The following CNTN4 variants were observed in gnomAD, a reference collection of about 807,000 sequenced individuals.
CNTN4 encodes the protein contactin 4, also known as contactin-4.
CNTN4 carries 77 observed loss-of-function variants against 122.5 expected under a neutral mutation model. That is an observed-to-expected ratio of 0.63 (90% CI 0.52 to 0.76). The LOEUF (loss-of-function observed/expected upper bound fraction) is 0.76. Ranked by LOEUF, CNTN4 falls within the 30% of genes least tolerant of loss-of-function variation. CNTN4 has a pLI of 0.00. For synonymous variants in CNTN4, 512 were observed against 447.0 expected (o/e 1.15, Z -1.83); for missense variants, 1,256 against 1,259.1 (o/e 1.00, Z 0.04).
At chr3:2,912,191 G>A (rs2094308063) in intron 12 of CNTN4, among the ~76,000 whole-genome samples, 1 of 152,188 alleles carries the variant, frequency 6.6e-6, no homozygotes, top group Non-Finnish European at 1.5e-5. Context: ...AGCAGCAAGA[G>A]AAAAGCAACC....
chr3:2,995,307 T>C (rs1388132616), intron 14 of CNTN4, among the ~76,000 whole-genome samples: 1 of 152,226 alleles, frequency 6.6e-6, no homozygotes, highest in Non-Finnish European at 1.5e-5. Context: ...CCTCTGACAT[T>C]CTTATGGACA....
At chr3:2,311,704 A>G (rs2150142707) in intron 2 of CNTN4, among the ~76,000 whole-genome samples, 1 of 152,238 alleles carries the variant, frequency 6.6e-6, no homozygotes, top group Admixed American at 6.5e-5. Context: ...TACTGTCTGT[A>G]TAGGTAGCTC....
chr3:2,268,558 A>C (rs905707186), intron 2 of CNTN4, among the ~76,000 whole-genome samples: 1 of 152,126 alleles, frequency 6.6e-6, no homozygotes, highest in Admixed American at 6.6e-5. Flanking sequence ...ATGCTATTGT[A>C]AAACTATAGT....
chr3:2,403,013 G>A (rs944829405), intron 3 of CNTN4, among the ~76,000 whole-genome samples: 1 of 152,062 alleles, frequency 6.6e-6, no homozygotes, highest in African/African-American at 2.4e-5. Context: ...AGAGATCAAG[G>A]TGTCGGCAGG....
chr3:2,219,762 A>AT (rs1279432760), intron 2 of CNTN4, among the ~76,000 whole-genome samples: 1 of 152,090 alleles, frequency 6.6e-6, no homozygotes, highest in Admixed American at 6.6e-5. Flanking sequence ...TTTAAGCATT[A>AT]TTTTTTATGG....
intron 2 of CNTN4, among the ~76,000 whole-genome samples, chr3:2,173,747 A>G (rs1575000905): frequency 6.6e-6 from 1 of 152,206 alleles, no homozygotes; most frequent in Non-Finnish European, 1.5e-5. Flanking sequence ...AATAATAATA[A>G]TAGTTTACCT....
chr3:2,676,867 C>G (rs1340984387), intron 4 of CNTN4, among the ~76,000 whole-genome samples: 1 of 152,192 alleles, frequency 6.6e-6, no homozygotes, highest in Admixed American at 6.5e-5. Context: ...CGAAGACTAA[C>G]TGGATGACAT....
At chr3:2,320,652 C>T (rs2043247196) in intron 2 of CNTN4, among the ~76,000 whole-genome samples, 1 of 152,104 alleles carries the variant, frequency 6.6e-6, no homozygotes, top group Non-Finnish European at 1.5e-5. Flanking sequence ...GACTGCTGTT[C>T]TAAGTTGTTT....
At chr3:2,684,684 T>C (rs980495867) in intron 4 of CNTN4, among the ~76,000 whole-genome samples, 2 of 152,216 alleles carry the variant, frequency 1.3e-5, no homozygotes, top group Admixed American at 1.3e-4. Flanking sequence ...TCTCTTCACT[T>C]ATAAATACTA....
intron 23 of CNTN4, among the ~76,000 whole-genome samples, chr3:3,053,101 C>G (rs1701424768): frequency 6.6e-6 from 1 of 152,336 alleles, no homozygotes; most frequent in African/African-American, 2.4e-5. Flanking sequence ...GTGGCTTGAT[C>G]TCGGCTCACT....
rs369850188 is a variant in CNTN4 at position 2,781,814 on chromosome 3, T to C, written c.358+36117T>C. ...ATCTCTGCTCACTGCAACCTCCGCCTCCCGGGTTCCCGCCATTCTCCTGCC... is the reference window on the plus strand; with the variant it reads ...ATCTCTGCTCACTGCAACCTCCGCCCCCCGGGTTCCCGCCATTCTCCTGCC... On this transcript the variant is annotated intron_variant, in intron 6 of 24. Coordinates refer to ENST00000418658, the MANE Select transcript of CNTN4 (RefSeq NM_175607.3). Among the ~76,000 whole-genome samples, 242 of 123,918 alleles carry C rather than the reference T, an allele frequency of 2.0e-3. 7 individuals carry two copies. Among genetic ancestry groups the C allele is most frequent in the Middle Eastern group, 0.01 (2 of 200 alleles). The allele number at this position is 123,918 out of a possible 152,430, so 81.3% of individuals were successfully genotyped here.
At position 2,473,711 on chromosome 3, in the gene CNTN4, A is replaced by G. The variant is rs563663774; in HGVS notation, c.-88-97705A>G. On this transcript the variant is annotated intron_variant, in intron 3 of 24. Transcript: ENST00000418658. ...TCATAAGCCAGAAAGTTACTGGGGTAACAGTATACAACATTTGCCGGCCAG... is the reference window on the plus strand; with the variant it reads ...TCATAAGCCAGAAAGTTACTGGGGTGACAGTATACAACATTTGCCGGCCAG... Among the ~76,000 whole-genome samples, 25 of 152,224 alleles carry G rather than the reference A, an allele frequency of 1.6e-4. 1 individual carries two copies. In the South Asian group the frequency reaches 4.8e-3, roughly 29 times the overall value.
intron 20 of CNTN4, chr3:3,041,130 T>C (rs1303768064): frequency 6.6e-6 from 1 of 152,192 alleles, no homozygotes; most frequent in Admixed American, 6.5e-5. Flanking sequence ...AAGATGATGC[T>C]CAGAATGGGA....
intron 13 of CNTN4, among the ~76,000 whole-genome samples, chr3:2,980,456 G>C (rs1416846366): frequency 6.6e-6 from 1 of 152,144 alleles, no homozygotes; most frequent in East Asian, 1.9e-4. Flanking sequence ...ATTAGGAGGA[G>C]CTCAAAGTTC....
chr3:2,191,589 T>A (rs900194960), intron 2 of CNTN4, among the ~76,000 whole-genome samples: 29 of 152,074 alleles, frequency 1.9e-4, no homozygotes, highest in Non-Finnish European at 3.4e-4. Flanking sequence ...AACTTTTTTT[T>A]ATTAGCTAGT....
At chr3:2,456,272 C>T (rs1413067760) in intron 3 of CNTN4, among the ~76,000 whole-genome samples, 2 of 151,994 alleles carry the variant, frequency 1.3e-5, no homozygotes, top group African/African-American at 4.8e-5. Flanking sequence ...CTCCTCCTCT[C>T]CCTTCTTTTC....
intron 2 of CNTN4, among the ~76,000 whole-genome samples, chr3:2,186,584 C>T (rs1167144661): frequency 1.3e-5 from 2 of 152,200 alleles, no homozygotes; most frequent in Admixed American, 6.5e-5. Flanking sequence ...ACATCCTCTC[C>T]AGCACCTGTT....
At chr3:2,864,006 A>G (rs1271992309) in intron 7 of CNTN4, among the ~76,000 whole-genome samples, 1 of 152,198 alleles carries the variant, frequency 6.6e-6, no homozygotes, top group Non-Finnish European at 1.5e-5. Flanking sequence ...AGTGAAACCA[A>G]AGGAATCAAC....
chr3:2,636,935 T>C (rs1005523182), intron 4 of CNTN4, among the ~76,000 whole-genome samples: 1 of 124,972 alleles, frequency 8.0e-6, no homozygotes, highest in South Asian at 2.8e-4. Flanking sequence ...TTTTTTTTTT[T>C]TTTGGTTTTT....
Sources: allele counts gnomAD v4.1 joint callset (sites outside exome capture counted in the v4.1 genomes callset), GRCh38; gene constraint gnomAD v4.1.1; transcripts MANE v1.5; gene names NCBI Gene and HGNC (gene_info 2026-07-23, HGNC 2026-07-21).